The following SLC25A26 variants were observed in gnomAD, a reference collection of about 807,000 sequenced individuals.
The protein encoded by SLC25A26 is solute carrier family 25 member 26, also known as mitochondrial S-adenosylmethionine carrier protein.
SLC25A26 carries 36 observed loss-of-function variants against 37.8 expected under a neutral mutation model. That is an observed-to-expected ratio of 0.95 (90% CI 0.73 to 1.26). The LOEUF is 1.26. Ranked by LOEUF, SLC25A26 falls within the 50% of genes most tolerant of loss-of-function variation. SLC25A26 has a pLI of 0.00. For missense variants in SLC25A26, 390 were observed against 331.1 expected, an observed-to-expected ratio of 1.18 and a Z score of -1.38; for synonymous variants, 129 against 122.5, an observed-to-expected ratio of 1.05 and a Z score of -0.35.
At chr3:66,285,725 G>T (rs959086821) in intron 5 of SLC25A26, among the ~76,000 whole-genome samples, 1 of 151,930 alleles carries the variant, frequency 6.6e-6, no homozygotes, top group Non-Finnish European at 1.5e-5. Context: ...CTCCCAAAGT[G>T]CTGGGATTAC....
At chr3:66,259,757 T>C (rs1168041802) in intron 3 of SLC25A26, among the ~76,000 whole-genome samples, 1 of 152,174 alleles carries the variant, frequency 6.6e-6, no homozygotes, top group South Asian at 2.1e-4. Context: ...AGCTGTCCTG[T>C]GCATTGCAGC....
chr3:66,295,334 C>T (rs2074861244), intron 5 of SLC25A26, among the ~76,000 whole-genome samples: 1 of 152,066 alleles, frequency 6.6e-6, no homozygotes. Flanking sequence ...AGCAATTCTC[C>T]TGCCTCAGCC....
intron 1 of SLC25A26, among the ~76,000 whole-genome samples, chr3:66,161,048 G>A (rs2070351389): frequency 6.6e-6 from 1 of 151,904 alleles, no homozygotes; most frequent in South Asian, 2.1e-4. Context: ...GGCTGTCACA[G>A]CTTTTAATGG....
intron 1 of SLC25A26, among the ~76,000 whole-genome samples, chr3:66,222,883 A>G: frequency 6.6e-6 from 1 of 152,350 alleles, no homozygotes; most frequent in South Asian, 2.1e-4. Context: ...TATGATACAC[A>G]TGCAGTAAAG....
intron 6 of SLC25A26, among the ~76,000 whole-genome samples, chr3:66,361,805 A>G (rs2076713919): frequency 6.6e-6 from 1 of 152,108 alleles, no homozygotes; most frequent in African/African-American, 2.4e-5. Flanking sequence ...GTCTAGGACT[A>G]AAAATACAAA....
At chr3:66,149,830 T>C (rs1374530120) in intron 1 of SLC25A26, among the ~76,000 whole-genome samples, 1 of 152,212 alleles carries the variant, frequency 6.6e-6, no homozygotes, top group Non-Finnish European at 1.5e-5. Flanking sequence ...TGAGGCACAC[T>C]GCAAGTCACT....
chr3:66,215,274 T>A (rs2071343696), intron 1 of SLC25A26, among the ~76,000 whole-genome samples: 1 of 152,190 alleles, frequency 6.6e-6, no homozygotes, highest in Non-Finnish European at 1.5e-5. Flanking sequence ...TGAATACGGT[T>A]CACTACAGCC....
chr3:66,212,040 T>C (rs1489005611), intron 1 of SLC25A26, among the ~76,000 whole-genome samples: 2 of 152,194 alleles, frequency 1.3e-5, no homozygotes, highest in Non-Finnish European at 2.9e-5. Context: ...TGTTAGGGTA[T>C]TTTTAGAGAG....
intron 1 of SLC25A26, among the ~76,000 whole-genome samples, chr3:66,159,385 A>G (rs1452717512): frequency 6.6e-6 from 1 of 152,138 alleles, no homozygotes; most frequent in Non-Finnish European, 1.5e-5. Flanking sequence ...GGTGTTTTTC[A>G]TTACTGTTTT....
chr3:66,216,641 C>T (rs1429985970), upstream of SLC25A26, among the ~76,000 whole-genome samples: 1 of 150,768 alleles, frequency 6.6e-6, no homozygotes, highest in Non-Finnish European at 1.5e-5. Flanking sequence ...TTGTGCTAGG[C>T]TTAAATTATT....
rs371823746 is a variant in SLC25A26 at position 66,289,817 on chromosome 3, G to T, written c.453+26438G>T. Among the ~76,000 whole-genome samples the T allele has an allele frequency of 2.3e-4, 35 of 152,146 alleles. No individual in the cohort carries two copies. The South Asian group carries it at 7.3e-3, about 32-fold the overall frequency. On this transcript the variant is annotated intron_variant, in intron 5 of 9. Transcript: ENST00000354883. ...GCTATGCAGGCTCTTTTTTGATTAC[G>T]TATGAAATTTAAAGTAGTTTTTTCT...
At chr3:66,143,408 C>A (rs1375505467) in intron 1 of SLC25A26, among the ~76,000 whole-genome samples, 4 of 152,196 alleles carry the variant, frequency 2.6e-5, no homozygotes, top group African/African-American at 9.6e-5. Flanking sequence ...CAAATACTTA[C>A]TGAGCAACTG....
intron 1 of SLC25A26, among the ~76,000 whole-genome samples, chr3:66,189,202 C>G (rs975768502): frequency 2.6e-5 from 4 of 152,004 alleles, no homozygotes; most frequent in African/African-American, 9.7e-5. Context: ...TATGTTGACC[C>G]TGACCCTGAC....
chr3:66,318,523 A>G (rs534993360), intron 5 of SLC25A26, among the ~76,000 whole-genome samples: 6 of 151,324 alleles, frequency 4.0e-5, no homozygotes, highest in South Asian at 2.1e-4. Context: ...GTCAGTCCCA[A>G]TGAGAGAACC....
chr3:66,142,656 G>A (rs2070053187), intron 1 of SLC25A26, among the ~76,000 whole-genome samples: 1 of 152,068 alleles, frequency 6.6e-6, no homozygotes, highest in Non-Finnish European at 1.5e-5. Flanking sequence ...CTATCCATTT[G>A]TCATCAAACC....
At chr3:66,159,909 G>C (rs574294508) in intron 1 of SLC25A26, among the ~76,000 whole-genome samples, 1 of 152,196 alleles carries the variant, frequency 6.6e-6, no homozygotes, top group Non-Finnish European at 1.5e-5. Context: ...ACTGAGGCTT[G>C]AGAAGGGTAG....
intron 5 of SLC25A26, among the ~76,000 whole-genome samples, chr3:66,281,589 A>T (rs1360584219): frequency 6.6e-6 from 1 of 152,142 alleles, no homozygotes; most frequent in African/African-American, 2.4e-5. Flanking sequence ...AGCCTAATTG[A>T]GTTAGAATTC....
chr3:66,237,500 G>C (rs1028768553), intron 2 of SLC25A26, among the ~76,000 whole-genome samples: 2 of 152,234 alleles, frequency 1.3e-5, no homozygotes, highest in African/African-American at 4.8e-5. Flanking sequence ...GAACCTAAGA[G>C]GCATTACACA....
At chr3:66,349,384 C>T (rs1287132721) in intron 6 of SLC25A26, among the ~76,000 whole-genome samples, 1 of 152,128 alleles carries the variant, frequency 6.6e-6, no homozygotes, top group Non-Finnish European at 1.5e-5. Context: ...CCTTTCTGTA[C>T]CCACAGCCCC....
Sources: allele counts gnomAD v4.1 joint callset (sites outside exome capture counted in the v4.1 genomes callset), GRCh38; gene constraint gnomAD v4.1.1; transcripts MANE v1.5; gene names NCBI Gene and HGNC (gene_info 2026-07-23, HGNC 2026-07-21).